STARD5: variants seen among roughly 807,000 people sequenced by gnomAD.
STARD5 encodes the protein StAR related lipid transfer domain containing 5, also known as stAR-related lipid transfer protein 5.
STARD5 carries 26 observed loss-of-function variants against 24.6 expected under a neutral mutation model. The ratio of observed to expected loss-of-function variants is 1.06; its 90% CI spans 0.77 to 1.47. The LOEUF (loss-of-function observed/expected upper bound fraction) is 1.47. Among genes scored for constraint, STARD5 ranks in the 40% most tolerant of loss-of-function variants. The pLI, the probability that STARD5 is intolerant of heterozygous loss-of-function variation, is 0.00. For missense variants in STARD5, 254 were observed against 270.8 expected (o/e 0.94, Z 0.44); for synonymous variants, 101 against 99.7 (o/e 1.01, Z -0.07).
intron 2 of STARD5, 87 bp from the exon 3 acceptor site, chr15:81,322,627 G>GCCAT: frequency 6.3e-7 from 1 of 1,587,712 alleles, no homozygotes; most frequent in Non-Finnish European, 8.6e-7. Flanking sequence ...GGTGGACCAT[G>GCCAT]CCATGTCTGT....
chr15:81,320,773 C>T (rs1232429576), intron 3 of STARD5, among the ~76,000 whole-genome samples: 2 of 152,098 alleles, frequency 1.3e-5, no homozygotes, highest in Non-Finnish European at 2.9e-5. Context: ...TGCTTCCACC[C>T]CTGATGACTG....
intron 3 of STARD5, among the ~76,000 whole-genome samples, 172 bp downstream of exon 3, chr15:81,322,236 G>A (rs1358573435): frequency 2.0e-5 from 3 of 152,202 alleles, no homozygotes; most frequent in East Asian, 1.9e-4. Flanking sequence ...GTTTCCCACC[G>A]GGAAACTGGG....
intron 2 of STARD5, 177 bp from the exon 3 acceptor site, chr15:81,322,717 C>T (rs1400546954): frequency 1.6e-6 from 2 of 1,285,916 alleles, no homozygotes; most frequent in Admixed American, 4.2e-5. Context: ...CAGAAATGGA[C>T]AGTAAGCTTT....
intron 1 of STARD5, 169 bp from the exon 2 acceptor site, chr15:81,323,117 C>A (rs1034222915): frequency 3.1e-6 from 2 of 648,152 alleles, no homozygotes; most frequent in African/African-American, 3.7e-5. Flanking sequence ...CAAAGCTGTC[C>A]CCACAGCAGA....
intron 5 of STARD5, among the ~76,000 whole-genome samples, chr15:81,316,085 C>G (rs1901077280): frequency 6.6e-6 from 1 of 152,174 alleles, no homozygotes; most frequent in Non-Finnish European, 1.5e-5. Context: ...CGCTCTTGCT[C>G]CGGCTCCTGC....
rs1893322127 is a variant in STARD5 at position 81,323,078 on chromosome 15, T to C, written c.100-130A>G. 4 of 957,556 alleles carry C rather than the reference T, an allele frequency of 4.2e-6. No homozygotes were observed. The Admixed American group carries it at 9.4e-5, about 22-fold the overall frequency. The allele number at this position is 957,556 out of a possible 1,614,324, so 59.3% of individuals were successfully genotyped here. On this transcript the variant is annotated intron_variant, in intron 1 of 5. Coordinates refer to ENST00000302824, the MANE Select transcript of STARD5 (RefSeq NM_181900.3). ...CGACTCTCCAAGGCTGTGCAACCCA[T>C]ACGTGGAAAAGCTGGGACTAGTCTT...
At chr15:81,321,939 GT>G (rs1316263527) in intron 3 of STARD5, among the ~76,000 whole-genome samples, 1 of 152,240 alleles carries the variant, frequency 6.6e-6, no homozygotes, top group Non-Finnish European at 1.5e-5. Flanking sequence ...TGAAAATTTA[GT>G]TGTAAACTAA....
intron 3 of STARD5, among the ~76,000 whole-genome samples, chr15:81,319,852 A>G (rs1486185907): frequency 4.6e-5 from 7 of 152,230 alleles, no homozygotes; most frequent in African/African-American, 1.4e-4. Flanking sequence ...GAGACTAAGG[A>G]ACTCAGCACG....
rs1567056878 is a variant in STARD5, at chr15:81,322,529, T to TCTC, written c.158_160dup (p.Gly53dup). The TCTC allele has an allele frequency of 6.2e-7, 1 of 1,613,984 alleles. No homozygotes were observed. The highest frequency in any genetic ancestry group is 1.7e-5 in the Admixed American group (1 of 59,984). ...CTCTAGTGTCCCATATACAATGCCTTCTCCTCGGTACCTGGAGCACGAAAA... is the reference window on the plus strand; with the variant it reads ...CTCTAGTGTCCCATATACAATGCCTTCTCCTCCTCGGTACCTGGAGCACGAAAA... On this transcript the variant is annotated inframe_insertion, in exon 3 of 6. Coordinates refer to ENST00000302824, the MANE Select transcript of STARD5 (RefSeq NM_181900.3).
chr15:81,319,542 G>A (rs990084495), intron 3 of STARD5, 86 bp from the exon 4 acceptor site: 1 of 1,186,938 alleles, frequency 8.4e-7, no homozygotes, highest in Non-Finnish European at 1.3e-6. Context: ...GTCTGGGAAA[G>A]GTACTAGGGC....
At position 81,319,445 on chromosome 15, in the gene STARD5, T is replaced by G; in HGVS notation, c.294A>C (p.Val98=). ...IIQSITDTLC[V]SRTSTPSAAM... Reference sequence around the variant, plus strand: ...CAGCGGAGGGAGTGGAGGTTCTGCTTACACACAGGGTCTGCCAAACCAAAG... The same window carrying G: ...CAGCGGAGGGAGTGGAGGTTCTGCTGACACACAGGGTCTGCCAAACCAAAG... The change falls in exon 4 of 6, where the codon GTA becomes GTC. Residue 98 remains valine, a synonymous_variant. Transcript: ENST00000302824. 1 of 1,614,150 alleles carries G rather than the reference T, an allele frequency of 6.2e-7. No individual in the cohort carries two copies. The highest frequency in any genetic ancestry group is 8.5e-7 in the Non-Finnish European group (1 of 1,180,016).
chr15:81,323,572 C>T, intron 1 of STARD5: 1 of 1,323,166 alleles, frequency 7.6e-7, no homozygotes, highest in Non-Finnish European at 1.1e-6. Context: ...AGAAGAAAAC[C>T]TTAGTATGCA....
At chr15:81,319,534 C>A in intron 3 of STARD5, 78 bp from the exon 4 acceptor site, 1 of 1,293,832 alleles carries the variant, frequency 7.7e-7, no homozygotes, top group Non-Finnish European at 1.1e-6. Flanking sequence ...CCCTCAAGGT[C>A]TGGGAAAGGT....
rs1210301535 is a variant in STARD5, at chr15:81,310,669, C to T, written c.*2587G>A. On this transcript the variant is annotated 3_prime_UTR_variant, in exon 6 of 6. Transcript: ENST00000302824. Reference sequence around the variant, plus strand: ...GGCACATTCCTTGCCTGCACAAACTCACCATCTGTGCACGCAGTGGCCTTC... The same window carrying T: ...GGCACATTCCTTGCCTGCACAAACTTACCATCTGTGCACGCAGTGGCCTTC... 6.6e-6 allele frequency: 1 copy of T among 152,208 alleles called. No homozygotes were observed. Among genetic ancestry groups the T allele is most frequent in the Non-Finnish European group, 1.5e-5 (1 of 68,048 alleles). 9.4% of individuals were successfully genotyped at this position (152,208 alleles called of 1,614,324 possible). A position where few individuals can be genotyped will look rare whatever the true frequency, so the allele number is the denominator to read the frequency against.
At position 81,311,502 on chromosome 15, in the gene STARD5, G is replaced by A. The variant is rs1900851555; in HGVS notation, c.*1754C>T. On this transcript the variant is annotated 3_prime_UTR_variant, in exon 6 of 6. Coordinates refer to ENST00000302824, the MANE Select transcript of STARD5 (RefSeq NM_181900.3). ...AGGGCTCTGACCAGTTTAACCTGAT[G>A]CAGTCACGTGGAGGAGCAGTGCAGG... The A allele has an allele frequency of 6.6e-6, 1 of 152,264 alleles. No homozygotes were observed. The highest frequency in any genetic ancestry group is 2.4e-5 in the African/African-American group (1 of 41,454). 9.4% of individuals were successfully genotyped at this position (152,264 alleles called of 1,614,324 possible).
rs774580355 is a variant in STARD5, at chr15:81,313,421, G to A, written c.495-18C>T. ...TGGGTTCCCTGTGAAGGCAACAGCA[G>A]AGCTGTGTTATGATCTGCAGCAGAG... On this transcript the variant is annotated intron_variant, in intron 5 of 5. Coordinates refer to ENST00000302824, the MANE Select transcript of STARD5 (RefSeq NM_181900.3). 1 of 1,523,676 alleles carries A rather than the reference G, an allele frequency of 6.6e-7. No individual in the cohort carries two copies. Among genetic ancestry groups the A allele is most frequent in the Non-Finnish European group, 8.8e-7 (1 of 1,132,738 alleles). The allele number at this position is 1,523,676 out of a possible 1,614,324, so 94.4% of individuals were successfully genotyped here. A position where few individuals can be genotyped will look rare whatever the true frequency, so the allele number is the denominator to read the frequency against.
rs1411093991 is a variant in STARD5, at chr15:81,311,844, G to A, written c.*1412C>T. The A allele has an allele frequency of 1.3e-5, 2 of 152,206 alleles. No individual in the cohort carries two copies. Among genetic ancestry groups the A allele is most frequent in the African/African-American group, 4.8e-5 (2 of 41,450 alleles). 9.4% of individuals were successfully genotyped at this position (152,206 alleles called of 1,614,324 possible). A position where few individuals can be genotyped will look rare whatever the true frequency, so the allele number is the denominator to read the frequency against. On this transcript the variant is annotated 3_prime_UTR_variant, in exon 6 of 6. Coordinates refer to ENST00000302824, the MANE Select transcript of STARD5 (RefSeq NM_181900.3). ...TAGCTAAAGGATCTTAGGCATGACT[G>A]TAGAATTTGTAGTTGCAATAGAACA...
intron 4 of STARD5, among the ~76,000 whole-genome samples, chr15:81,319,094 GA>G (rs1167364151): frequency 0.017 from 2,454 of 140,772 alleles, 56 homozygotes; most frequent in African/African-American, 0.056. Flanking sequence ...GCTTCCGCAG[GA>G]AAAAAAAAAA....
intron 3 of STARD5, among the ~76,000 whole-genome samples, chr15:81,319,801 AT>A (rs1280508765): frequency 4.6e-5 from 7 of 152,218 alleles, no homozygotes; most frequent in African/African-American, 1.4e-4. Flanking sequence ...AGAAATAGGA[AT>A]CATTAATCCC....
Sources: allele counts gnomAD v4.1 joint callset (sites outside exome capture counted in the v4.1 genomes callset), GRCh38; gene constraint gnomAD v4.1.1; transcripts MANE v1.5; gene names NCBI Gene and HGNC (gene_info 2026-07-23, HGNC 2026-07-21).